PTPRK: variants seen among roughly 807,000 people sequenced by gnomAD.
PTPRK encodes receptor-type tyrosine-protein phosphatase kappa.
PTPRK carries 75 observed loss-of-function variants against 178.0 expected under a neutral mutation model. The ratio of observed to expected loss-of-function variants is 0.42; its 90% CI spans 0.35 to 0.51. The LOEUF (loss-of-function observed/expected upper bound fraction) is 0.51. PTPRK is among the 20% of genes least tolerant of loss of function. The pLI is 0.02. For missense variants in PTPRK, 1,441 were observed against 1,797.8 expected, an observed-to-expected ratio of 0.80 and a Z score of 3.59; for synonymous variants, 637 against 620.6, an observed-to-expected ratio of 1.03 and a Z score of -0.39.
intron 5 of PTPRK, among the ~76,000 whole-genome samples, chr6:128,220,411 G>A (rs73590658): frequency 1.3e-5 from 2 of 152,050 alleles, no homozygotes; most frequent in African/African-American, 2.4e-5. Flanking sequence ...AACCCACAAC[G>A]CTGAGAAAGA....
At chr6:128,426,116 T>C (rs1314527130) in intron 1 of PTPRK, among the ~76,000 whole-genome samples, 2 of 152,232 alleles carry the variant, frequency 1.3e-5, no homozygotes, top group East Asian at 3.8e-4. Flanking sequence ...AAATAAACTA[T>C]GACTTTCTGC....
At chr6:128,136,094 C>G (rs531775690) in intron 7 of PTPRK, among the ~76,000 whole-genome samples, 1 of 152,184 alleles carries the variant, frequency 6.6e-6, no homozygotes, top group East Asian at 1.9e-4. Context: ...AAAGAGATAT[C>G]TGGGATGTGA....
intron 2 of PTPRK, among the ~76,000 whole-genome samples, chr6:128,364,334 AT>A (rs544907686): frequency 5.9e-5 from 9 of 151,936 alleles, no homozygotes; most frequent in African/African-American, 2.2e-4. Flanking sequence ...CATTCAAACA[AT>A]TTTTTTTATC....
intron 2 of PTPRK, among the ~76,000 whole-genome samples, chr6:128,344,425 A>T (rs896796706): frequency 6.6e-6 from 1 of 152,244 alleles, no homozygotes; most frequent in Non-Finnish European, 1.5e-5. Flanking sequence ...AATGTAAAAC[A>T]TAAGATGATA....
rs117520513 is a variant in PTPRK at position 128,352,326 on chromosome 6, A to G, written c.224-30016T>C. ...ACCCTAAAACAAACATAAACACTAA[A>G]ACAACTTTAAATGTAAAACACTACT... On this transcript the variant is annotated intron_variant, in intron 2 of 29. Transcript: ENST00000368226. Among the ~76,000 whole-genome samples, 1,282 of 152,052 alleles carry G rather than the reference A, an allele frequency of 8.4e-3. 14 individuals carry two copies. Among genetic ancestry groups the G allele is most frequent in the Middle Eastern group, 0.014 (4 of 294 alleles).
At chr6:128,457,532 C>T (rs1271155536) in intron 1 of PTPRK, among the ~76,000 whole-genome samples, 2 of 152,096 alleles carry the variant, frequency 1.3e-5, no homozygotes, top group African/African-American at 4.8e-5. Flanking sequence ...AATCATATAG[C>T]TAATCACTTG....
At chr6:128,023,565 T>C (rs1773840756) in intron 13 of PTPRK, among the ~76,000 whole-genome samples, 1 of 152,232 alleles carries the variant, frequency 6.6e-6, no homozygotes, top group Non-Finnish European at 1.5e-5. Flanking sequence ...TGCTGGGAAG[T>C]ATTCTTTTAA....
chr6:128,077,293 G>A (rs1434626208), intron 11 of PTPRK, among the ~76,000 whole-genome samples: 2 of 151,934 alleles, frequency 1.3e-5, no homozygotes, highest in African/African-American at 2.4e-5. Flanking sequence ...ACAGATCATT[G>A]ATTCATGAAC....
intron 7 of PTPRK, among the ~76,000 whole-genome samples, chr6:128,179,895 C>T (rs570885464): frequency 8.5e-5 from 13 of 152,112 alleles, no homozygotes; most frequent in Admixed American, 2.6e-4. Context: ...AAAAAAAATG[C>T]ATTTTTAGTA....
chr6:128,048,191 A>T (rs961982267), intron 13 of PTPRK, among the ~76,000 whole-genome samples: 2 of 152,200 alleles, frequency 1.3e-5, no homozygotes, highest in Admixed American at 6.5e-5. Context: ...TGTTGACCTG[A>T]CCAGCAGTGT....
At chr6:128,060,327 G>A (rs1780600282) in intron 13 of PTPRK, among the ~76,000 whole-genome samples, 1 of 152,098 alleles carries the variant, frequency 6.6e-6, no homozygotes, top group Non-Finnish European at 1.5e-5. Context: ...CACCAATGAA[G>A]TCAGAGTTTC....
At chr6:128,449,865 G>A (rs933194380) in intron 1 of PTPRK, among the ~76,000 whole-genome samples, 1 of 151,564 alleles carries the variant, frequency 6.6e-6, no homozygotes, top group Non-Finnish European at 1.5e-5. Context: ...GGAGGGCGAG[G>A]CAGAAGAATT....
intron 7 of PTPRK, among the ~76,000 whole-genome samples, chr6:128,102,206 G>A (rs2114272098): frequency 6.6e-6 from 1 of 152,288 alleles, no homozygotes; most frequent in Non-Finnish European, 1.5e-5. Context: ...CCATTTAAAT[G>A]TCAAGAACAA....
intron 1 of PTPRK, among the ~76,000 whole-genome samples, chr6:128,410,686 A>G (rs1172276042): frequency 6.6e-6 from 1 of 152,214 alleles, no homozygotes; most frequent in Non-Finnish European, 1.5e-5. Flanking sequence ...AATCTGACTC[A>G]ACGGCATTAA....
intron 13 of PTPRK, among the ~76,000 whole-genome samples, chr6:128,011,986 AT>A (rs1779112724): frequency 6.6e-6 from 1 of 151,196 alleles, no homozygotes; most frequent in Non-Finnish European, 1.5e-5. Context: ...CCATTAAGTT[AT>A]TTATTTGAGT....
intron 1 of PTPRK, among the ~76,000 whole-genome samples, chr6:128,454,114 G>A (rs542880263): frequency 6.6e-5 from 10 of 152,240 alleles, no homozygotes; most frequent in Admixed American, 2.0e-4. Context: ...AGAGACCTCC[G>A]TCCCTTGCCC....
At chr6:128,336,773 T>C (rs530310244) in intron 2 of PTPRK, among the ~76,000 whole-genome samples, 21 of 152,316 alleles carry the variant, frequency 1.4e-4, no homozygotes, top group South Asian at 6.2e-4. Flanking sequence ...TCCTTTACAA[T>C]GATCCTACAA....
intron 13 of PTPRK, among the ~76,000 whole-genome samples, chr6:128,011,088 T>G (rs1317535001): frequency 1.3e-5 from 2 of 151,230 alleles, no homozygotes; most frequent in Non-Finnish European, 3.0e-5. Flanking sequence ...GTGGAATATA[T>G]TACAAAGTTG....
intron 1 of PTPRK, among the ~76,000 whole-genome samples, chr6:128,406,950 G>C (rs1020819900): frequency 6.6e-6 from 1 of 152,150 alleles, no homozygotes. Context: ...TTAAAGGGGG[G>C]AATAGTGAAT....
Sources: allele counts gnomAD v4.1 joint callset (sites outside exome capture counted in the v4.1 genomes callset), GRCh38; gene constraint gnomAD v4.1.1; transcripts MANE v1.5; gene names NCBI Gene and HGNC (gene_info 2026-07-23, HGNC 2026-07-21).